TAF11L14: variants seen among roughly 807,000 people sequenced by gnomAD.
TAF11L14 encodes the protein TATA-box-binding protein-associated factor 11-like protein 14.
At chr5:17,634,487 T>C in exon 1 of TAF11L14, 1 of 398,182 alleles carries the variant, frequency 2.5e-6, no homozygotes, top group East Asian at 3.6e-5. Flanking sequence ...AACAGGTGTG[T>C]CTGCTGAGAT....
At chr5:17,634,764 C>G (rs986008215) in exon 1 of TAF11L14, 3 of 398,680 alleles carry the variant, frequency 7.5e-6, no homozygotes, top group African/African-American at 6.2e-5. Flanking sequence ...TCTGCCATGT[C>G]TGAGGAGCAG....
chr5:17,634,469 G>A (rs557053863), exon 1 of TAF11L14: 16 of 398,314 alleles, frequency 4.0e-5, no homozygotes, highest in Admixed American at 4.0e-4. Flanking sequence ...CATGGAGACC[G>A]GCAGGCAAAC....
chr5:17,634,719 A>G (rs1739778436), exon 1 of TAF11L14: 1 of 398,860 alleles, frequency 2.5e-6, no homozygotes, highest in East Asian at 3.6e-5. Context: ...CCCAGTGTGG[A>G]TGCAGAGGAG....
At chr5:17,634,805 G>C in exon 1 of TAF11L14, 1 of 398,672 alleles carries the variant, frequency 2.5e-6, no homozygotes, top group Non-Finnish European at 4.4e-6. Context: ...TCGCCAGTTA[G>C]CTTTCCCAAA....
In TAF11L14 at chr5:17,634,833, T is replaced by C. The variant is rs78111018; in HGVS notation, c.374T>C (p.Leu125Pro). Residue 125 changes from leucine (L) to proline (P), a missense_variant, in exon 1 of 1, where the codon CTG (leucine) becomes CCG (proline). Leu to Pro is a moderately conservative substitution (Grantham distance 98). Coordinates refer to ENST00000512227, the Ensembl canonical transcript of TAF11L14. ...TTCCCAAAAGCACTTGTTGCACGTC[T>C]GATGTGGTCTATCACTGGGAGATCG... The C allele has an allele frequency of 4.0e-3, 1,611 of 398,592 alleles. 43 individuals are homozygous for C. The highest frequency in any genetic ancestry group is 5.9e-3 in the Non-Finnish European group (1,323 of 225,876). The allele number at this position is 398,592 out of a possible 1,614,324, so 24.7% of individuals were successfully genotyped here.
At chr5:17,634,953 G>T (rs753258586) in exon 1 of TAF11L14, 2 of 398,450 alleles carry the variant, frequency 5.0e-6, no homozygotes, top group Non-Finnish European at 8.9e-6. Flanking sequence ...GAGATGTGGG[G>T]AGAAATGCCC....
At chr5:17,634,470 G>T in exon 1 of TAF11L14, 1 of 398,322 alleles carries the variant, frequency 2.5e-6, no homozygotes, top group Non-Finnish European at 4.4e-6. Flanking sequence ...ATGGAGACCG[G>T]CAGGCAAACA....
exon 1 of TAF11L14, chr5:17,634,839 G>C: frequency 2.5e-6 from 1 of 398,546 alleles, no homozygotes; most frequent in Non-Finnish European, 4.4e-6. Context: ...CGTCTGATGT[G>C]GTCTATCACT....
At position 17,634,932 on chromosome 5, in the gene TAF11L14, T is replaced by C. The variant is rs1304999064; in HGVS notation, c.473T>C (p.Leu158Pro). 22 of 398,414 alleles carry C rather than the reference T, an allele frequency of 5.5e-5. 1 individual carries two copies. Among genetic ancestry groups the C allele is most frequent in the Non-Finnish European group, 8.0e-5 (18 of 225,870 alleles). The allele number at this position is 398,414 out of a possible 1,614,324, so 24.7% of individuals were successfully genotyped here. Residue 158 changes from leucine to proline, a missense_variant, in exon 1 of 1, where the codon CTG becomes CCG. Leu to Pro is a moderately conservative substitution (Grantham distance 98, BLOSUM62 -3). Coordinates refer to ENST00000512227, the Ensembl canonical transcript of TAF11L14. The stretch of plus-strand genomic sequence containing the variant: ...GTTGGAGAGGTGGTGGAAGAGGCCC[T>C]GGACATGTGTGAGATGTGGGGAGAA...
the TAF11L14 span, chr5:17,634,480 AG>A: frequency 2.5e-6 from 1 of 398,356 alleles, no homozygotes. Context: ...GCAGGCAAAC[AG>A]GTGTGTCTGC....
At chr5:17,634,929 C>T in exon 1 of TAF11L14, 1 of 398,530 alleles carries the variant, frequency 2.5e-6, no homozygotes, top group Non-Finnish European at 4.4e-6. Flanking sequence ...GTGGAAGAGG[C>T]CCTGGACATG....
At chr5:17,634,683 A>G (rs1474034802) in exon 1 of TAF11L14, 4 of 398,784 alleles carry the variant, frequency 1.0e-5, no homozygotes, top group African/African-American at 4.1e-5. Context: ...CAGAAAACAG[A>G]TACCAAAGGC....
exon 1 of TAF11L14, chr5:17,634,881 C>T (rs1739782449): frequency 5.0e-6 from 2 of 398,504 alleles, no homozygotes; most frequent in Non-Finnish European, 8.9e-6. Context: ...ATGGCCATTG[C>T]CATGGCTGGA....
rs539791508 is a variant in TAF11L14 at position 17,634,901 on chromosome 5, G to C, written c.442G>C (p.Val148Leu). The C allele has an allele frequency of 7.0e-5, 28 of 398,486 alleles. 1 individual carries two copies. The highest frequency in any genetic ancestry group is 6.2e-4 in the Middle Eastern group (1 of 1,608). The allele number at this position is 398,486 out of a possible 1,614,324, so 24.7% of individuals were successfully genotyped here. The stretch of plus-strand genomic sequence containing the variant: ...CATTGCCATGGCTGGAATAGCCAAG[G>C]TCTTTGTTGGAGAGGTGGTGGAAGA... Residue 148 changes from valine (V) to leucine (L), a missense_variant, in exon 1 of 1, where the codon GTC (valine) becomes CTC (leucine). Coordinates refer to ENST00000512227, the Ensembl canonical transcript of TAF11L14.
At chr5:17,634,886 G>A (rs1023730859) in exon 1 of TAF11L14, 3 of 398,446 alleles carry the variant, frequency 7.5e-6, no homozygotes, top group African/African-American at 2.1e-5. Flanking sequence ...CATTGCCATG[G>A]CTGGAATAGC....
At chr5:17,634,509 C>A (rs780788192) in exon 1 of TAF11L14, 5 of 398,134 alleles carry the variant, frequency 1.3e-5, no homozygotes, top group Non-Finnish European at 1.8e-5. Flanking sequence ...TTCGCCATAC[C>A]CCGAGGTCTG....
At chr5:17,635,009 C>T in exon 1 of TAF11L14, 1 of 398,396 alleles carries the variant, frequency 2.5e-6, no homozygotes, top group East Asian at 3.6e-5. Flanking sequence ...CAGGTTAAAG[C>T]CCAAGGGCCT....
rs113252537 is a variant in TAF11L14, at chr5:17,634,501, C to T, written c.42C>T (p.Phe14=). The stretch of plus-strand genomic sequence containing the variant: ...AAACAGGTGTGTCTGCTGAGATGTT[C>T]GCCATACCCCGAGGTCTGAAGGGCT... The change falls in exon 1 of 1, where the codon TTC becomes TTT. Residue 14 remains phenylalanine (F), a synonymous_variant. Transcript: ENST00000512227. The T allele has an allele frequency of 5.5e-3, 2,180 of 398,252 alleles. 78 individuals are homozygous for T. Among genetic ancestry groups the T allele is most frequent in the African/African-American group, 0.04 (1,934 of 48,474 alleles). The allele number at this position is 398,252 out of a possible 1,614,324, so 24.7% of individuals were successfully genotyped here. A position where few individuals can be genotyped will look rare whatever the true frequency, so the allele number is the denominator to read the frequency against.
At chr5:17,634,911 G>C (rs1235775881) in exon 1 of TAF11L14, 1 of 398,518 alleles carries the variant, frequency 2.5e-6, no homozygotes, top group East Asian at 3.6e-5. Flanking sequence ...GTCTTTGTTG[G>C]AGAGGTGGTG....
Sources: gnomAD v4.1 joint callset for allele counts on GRCh38, gnomAD v4.1.1 for gene constraint, MANE v1.5 for transcripts, NCBI Gene and HGNC (gene_info 2026-07-23, HGNC 2026-07-21) for gene names.